CACNA2D2: variants seen among roughly 807,000 people sequenced by gnomAD.
CACNA2D2 encodes voltage-dependent calcium channel subunit alpha-2/delta-2.
In CACNA2D2, 48 loss-of-function variants were observed where a neutral mutation model predicts 166.4. That is an observed-to-expected ratio of 0.29 (90% CI 0.23 to 0.37). The LOEUF is 0.37. CACNA2D2 is among the 10% of genes least tolerant of loss of function. The pLI is 1.00. For missense variants in CACNA2D2, 1,122 were observed against 1,433.0 expected, an observed-to-expected ratio of 0.78 and a Z score of 3.50; for synonymous variants, 561 against 573.7, an observed-to-expected ratio of 0.98 and a Z score of 0.32.
At chr3:50,412,480 GCA>G (rs771634803) in intron 3 of CACNA2D2, among the ~76,000 whole-genome samples, 15 of 152,222 alleles carry the variant, frequency 9.9e-5, no homozygotes, top group Non-Finnish European at 1.8e-4. Context: ...CCTTCTGCCT[GCA>G]CAGTCACGTG....
At chr3:50,425,350 T>G (rs1707757520) in intron 3 of CACNA2D2, among the ~76,000 whole-genome samples, 1 of 152,180 alleles carries the variant, frequency 6.6e-6, no homozygotes, top group South Asian at 2.1e-4. Flanking sequence ...CTTTCTTCTA[T>G]CTTTGGAAAT....
Position 50,365,814 on chromosome 3 carries a change from C to T in CACNA2D2, c.2911G>A (p.Ala971Thr). 6.2e-7 allele frequency: 1 copy of T among 1,613,508 alleles called. No homozygotes were observed. The highest frequency in any genetic ancestry group is 8.5e-7 in the Non-Finnish European group (1 of 1,180,024). ...CACCTCCCGCTCAGGACTCACCAGGCGGCAGCAGAGGTCCACCAGGCCAGG... is the reference window on the plus strand; with the variant it reads ...CACCTCCCGCTCAGGACTCACCAGGTGGCAGCAGAGGTCCACCAGGCCAGG... Reference protein sequence around the residue: ...LNLAWWTSAAAWSLFQQLLYG... With the variant: ...LNLAWWTSAATWSLFQQLLYG... The change falls in exon 33 of 38, where the codon GCC becomes ACC. Residue 971 changes from alanine to threonine, a missense_variant. Coordinates refer to ENST00000424201, the MANE Select transcript of CACNA2D2 (RefSeq NM_006030.4). The surrounding 1 kb of genome is among the most constrained non-coding windows in gnomAD (Gnocchi z 4.5).
Position 50,387,608 on chromosome 3 carries a change from T to A in CACNA2D2, c.470A>T (p.Glu157Val). The change falls in exon 5 of 38, where the codon GAA becomes GTA. Residue 157 changes from glutamate (E) to valine (V), a missense_variant. By Grantham distance (121) the Glu-to-Val change is moderately radical. This residue lies in a region of CACNA2D2 where 840 missense variants were observed against 1,166.8 expected (regional missense o/e 0.72). Coordinates refer to ENST00000424201, the MANE Select transcript of CACNA2D2 (RefSeq NM_006030.4). Reference sequence around the variant, plus strand: ...CTTGGCGTCATAGTACACGATGTCTTCCTCCTGGTGAGGGGAGAGAGGCCT... The same window carrying A: ...CTTGGCGTCATAGTACACGATGTCTACCTCCTGGTGAGGGGAGAGAGGCCT... ...AHRWQDNIKE[E>V]DIVYYDAKAD... 6.2e-7 allele frequency: 1 copy of A among 1,613,192 alleles called. No homozygotes were observed. Among genetic ancestry groups the A allele is most frequent in the Non-Finnish European group, 8.5e-7 (1 of 1,179,396 alleles).
chr3:50,367,843 C>G lies in CACNA2D2; in HGVS notation c.2203G>C (p.Glu735Gln). Residue 735 changes from glutamate to glutamine, a missense_variant, in exon 25 of 38, where the codon GAG becomes CAG. Coordinates refer to ENST00000424201, the MANE Select transcript of CACNA2D2 (RefSeq NM_006030.4). This position sits in a 1 kb window ranked among gnomAD's most constrained non-coding sequence, Gnocchi z 6.5. ...LDTGITQQLV[E>Q]RVWRDQDLNT... is the part of the protein sequence containing the mutation. ...AGATCCTGGTCCCTCCACACACGCT[C>G]TACCAGCTGCTGCGTGATGCCCGTG... 6.2e-7 allele frequency: 1 copy of G among 1,612,652 alleles called. No homozygotes were observed. Among genetic ancestry groups the G allele is most frequent in the Non-Finnish European group, 8.5e-7 (1 of 1,179,570 alleles).
chr3:50,458,050 G>A (rs1005591086), intron 2 of CACNA2D2, among the ~76,000 whole-genome samples: 2 of 152,190 alleles, frequency 1.3e-5, no homozygotes, highest in African/African-American at 2.4e-5. Flanking sequence ...GGGTGCCCCA[G>A]GTAACACTAC....
At chr3:50,389,327 A>G (rs1705772892) in intron 4 of CACNA2D2, among the ~76,000 whole-genome samples, 1 of 152,222 alleles carries the variant, frequency 6.6e-6, no homozygotes, top group African/African-American at 2.4e-5. Flanking sequence ...GGGGGAAAAA[A>G]TATCAATTCA....
intron 3 of CACNA2D2, among the ~76,000 whole-genome samples, chr3:50,426,737 G>A (rs1707824210): frequency 6.6e-6 from 1 of 152,142 alleles, no homozygotes; most frequent in African/African-American, 2.4e-5. Flanking sequence ...AGAAGGGCCT[G>A]CTCCACGGAG....
Position 50,363,532 on chromosome 3 carries a change from G to C in CACNA2D2, c.*1134C>G, listed in dbSNP as rs1246782529. ...CAGTTTGGCCTCCTGCAAGCAGGGA[G>C]TGTGTGTGTAGGGGTGGGAAGGAGA... On this transcript the variant is annotated 3_prime_UTR_variant, in exon 38 of 38. Coordinates refer to ENST00000424201, the MANE Select transcript of CACNA2D2 (RefSeq NM_006030.4). The C allele has an allele frequency of 5.7e-6, 2 of 352,492 alleles. No homozygotes were observed. Among genetic ancestry groups the C allele is most frequent in the Non-Finnish European group, 1.0e-5 (2 of 198,626 alleles). The allele number at this position is 352,492 out of a possible 1,614,324, so 21.8% of individuals were successfully genotyped here.
intron 2 of CACNA2D2, among the ~76,000 whole-genome samples, chr3:50,435,138 T>G (rs1301870435): frequency 6.6e-6 from 1 of 151,124 alleles, no homozygotes; most frequent in Non-Finnish European, 1.5e-5. Flanking sequence ...TCTGAGGGTG[T>G]GTGTGTGTGT....
chr3:50,367,501 G>A lies in CACNA2D2; in HGVS notation c.2298-4C>T, dbSNP rs199818023. The stretch of plus-strand genomic sequence containing the variant: ...CTCTGTCCAGTCCTCAGCTGCCCTG[G>A]AGCACCCAAGAGGCAGACTGGTAGG... On this transcript the variant is annotated splice_polypyrimidine_tract_variant and splice_region_variant and intron_variant, in intron 26 of 37. Coordinates refer to ENST00000424201, the MANE Select transcript of CACNA2D2 (RefSeq NM_006030.4). This position sits in a 1 kb window ranked among gnomAD's most constrained non-coding sequence, Gnocchi z 6.5. The A allele has an allele frequency of 8.7e-6, 14 of 1,613,608 alleles. No individual in the cohort carries two copies. The East Asian group carries it at 2.9e-4, about 33-fold the overall frequency.
chr3:50,468,827 CTCTT>C (rs1324333613), intron 2 of CACNA2D2, among the ~76,000 whole-genome samples: 8 of 132,208 alleles, frequency 6.1e-5, no homozygotes, highest in Non-Finnish European at 1.2e-4. Context: ...CCCCTTCTCT[CTCTT>C]TTTTTTTTTT....
At chr3:50,432,247 C>T (rs1025950455) in intron 3 of CACNA2D2, among the ~76,000 whole-genome samples, 2 of 152,126 alleles carry the variant, frequency 1.3e-5, no homozygotes, top group Admixed American at 6.5e-5. Flanking sequence ...CTGTGATTCC[C>T]AAGGGGCTGG....
At chr3:50,373,787 A>T (rs951749196) in intron 22 of CACNA2D2, among the ~76,000 whole-genome samples, 1 of 124,152 alleles carries the variant, frequency 8.1e-6, no homozygotes, top group Non-Finnish European at 1.7e-5. Flanking sequence ...TGCAGAGGGG[A>T]GAGAGGTAGG....
intron 2 of CACNA2D2, among the ~76,000 whole-genome samples, chr3:50,441,741 G>C (rs1708609558): frequency 6.6e-6 from 1 of 152,258 alleles, no homozygotes. Flanking sequence ...GGCCTGACTT[G>C]AGGCCTCCAG....
Position 50,375,599 on chromosome 3 carries a change from G to A in CACNA2D2, c.1907+45C>T, listed in dbSNP as rs1470204411. ...AGGGGACAGCTGGGCTCAGATTCTG[G>A]GGCCACCCCACCCTCTCTGCCCGCC... On this transcript the variant is annotated intron_variant, in intron 21 of 37. Coordinates refer to ENST00000424201, the MANE Select transcript of CACNA2D2 (RefSeq NM_006030.4). This position sits in a 1 kb window ranked among gnomAD's most constrained non-coding sequence, Gnocchi z 4.0. The A allele has an allele frequency of 2.5e-6, 4 of 1,598,356 alleles. No homozygotes were observed. The highest frequency in any genetic ancestry group is 3.4e-6 in the Non-Finnish European group (4 of 1,169,076).
At chr3:50,416,532 C>G (rs1707272331) in intron 3 of CACNA2D2, among the ~76,000 whole-genome samples, 1 of 152,178 alleles carries the variant, frequency 6.6e-6, no homozygotes, top group African/African-American at 2.4e-5. Flanking sequence ...TCCAGGGTGC[C>G]CCCCTGAGGG....
chr3:50,400,722 G>A (rs1173752714), intron 3 of CACNA2D2, among the ~76,000 whole-genome samples: 3 of 152,234 alleles, frequency 2.0e-5, no homozygotes, highest in Admixed American at 6.5e-5. Context: ...GGGACAGGAC[G>A]GGCACCCAGC....
chr3:50,378,243 G>A, intron 14 of CACNA2D2, 41 bp downstream of exon 14: 1 of 1,555,542 alleles, frequency 6.4e-7, no homozygotes, highest in Non-Finnish European at 8.7e-7. Context: ...GTCCCTGCAG[G>A]GAAGCCAGGG....
chr3:50,489,169 G>C (rs1698415545), intron 1 of CACNA2D2, among the ~76,000 whole-genome samples: 1 of 152,150 alleles, frequency 6.6e-6, no homozygotes, highest in African/African-American at 2.4e-5. Flanking sequence ...GGTAACTGGG[G>C]CACAAACAAG....
Sources: gnomAD v4.1 joint callset for allele counts (sites outside exome capture counted in the v4.1 genomes callset) on GRCh38, gnomAD v4.1.1 for gene constraint, gnomAD v4.1.1 regional missense constraint, Gnocchi (gnomAD v3.1) non-coding constraint, MANE v1.5 for transcripts, NCBI Gene and HGNC (gene_info 2026-07-23, HGNC 2026-07-21) for gene names.